Variants in RAB5A observed in about 807,000 individuals in gnomAD.
The protein encoded by RAB5A is RAB5A, member RAS oncogene family, also known as ras-related protein Rab-5A.
A neutral mutation model predicts 25.7 loss-of-function variants in RAB5A; 8 were observed. The ratio of observed to expected loss-of-function variants is 0.31; its 90% CI spans 0.18 to 0.56. The LOEUF (loss-of-function observed/expected upper bound fraction) is 0.56, where lower values mean the gene tolerates loss of function less well. RAB5A is among the 20% of genes least tolerant of loss of function. The pLI, the probability that RAB5A is intolerant of heterozygous loss-of-function variation, is 0.91. For missense variants in RAB5A, 192 were observed against 259.7 expected (o/e 0.74, Z 1.79); for synonymous variants, 98 against 89.8 (o/e 1.09, Z -0.52).
chr3:19,947,282 C>T lies in RAB5A; in HGVS notation c.-333C>T. On this transcript the variant is annotated 5_prime_UTR_variant, in exon 1 of 6. Transcript: ENST00000273047. ...ACTCCAGCGCCGGCGGCGGCGGCGG[C>T]GGCGGAGGAGGAGAAAGGAAAGAGG... The T allele has an allele frequency of 1.5e-5, 3 of 199,570 alleles. No homozygotes were observed. The highest frequency in any genetic ancestry group is 2.9e-5 in the Non-Finnish European group (3 of 102,348). The allele number at this position is 199,570 out of a possible 1,614,324, so 12.4% of individuals were successfully genotyped here.
In RAB5A at chr3:19,984,578, G is replaced by T. The variant is rs1236274468; in HGVS notation, c.*755G>T. 3 of 173,134 alleles carry T rather than the reference G, an allele frequency of 1.7e-5. No individual in the cohort carries two copies. Among genetic ancestry groups the T allele is most frequent in the African/African-American group, 2.4e-5 (1 of 41,502 alleles). 10.7% of individuals were successfully genotyped at this position (173,134 alleles called of 1,614,324 possible). Reference sequence around the variant, plus strand: ...TGTCTGTGATTTCTAATTAATCACCGCTGGCCATTACACAGGTTTTGTTGT... The same window carrying T: ...TGTCTGTGATTTCTAATTAATCACCTCTGGCCATTACACAGGTTTTGTTGT... On this transcript the variant is annotated 3_prime_UTR_variant, in exon 6 of 6. Transcript: ENST00000273047.
intron 2 of RAB5A, among the ~76,000 whole-genome samples, chr3:19,954,731 T>C (rs546430937): frequency 8.8e-4 from 134 of 152,128 alleles, no homozygotes; most frequent in Non-Finnish European, 9.6e-4. Context: ...AATGGGAGAA[T>C]TGCTTGAACT....
intron 5 of RAB5A, among the ~76,000 whole-genome samples, chr3:19,982,971 G>A (rs1490515614): frequency 6.6e-6 from 1 of 152,126 alleles, no homozygotes; most frequent in Admixed American, 6.6e-5. Flanking sequence ...AGAGAACGCT[G>A]ATATGAGCTG....
intron 4 of RAB5A, 75 bp from the exon 5 acceptor site, chr3:19,978,235 T>C: frequency 1.1e-6 from 1 of 950,806 alleles, no homozygotes; most frequent in East Asian, 2.4e-5. Flanking sequence ...TCCTTTTCTA[T>C]AACAAGTTTA....
At chr3:19,953,807 G>T (rs1696459987) in intron 2 of RAB5A, among the ~76,000 whole-genome samples, 1 of 152,122 alleles carries the variant, frequency 6.6e-6, no homozygotes, top group South Asian at 2.1e-4. Flanking sequence ...TATAGCTGTG[G>T]ACACTATTCT....
intron 2 of RAB5A, among the ~76,000 whole-genome samples, chr3:19,958,515 C>T (rs1696538127): frequency 6.6e-6 from 1 of 152,146 alleles, no homozygotes; most frequent in South Asian, 2.1e-4. Flanking sequence ...ACTCTGTTTA[C>T]ACATTTGTAA....
At chr3:19,962,204 A>T (rs1696595958) in intron 2 of RAB5A, among the ~76,000 whole-genome samples, 1 of 152,172 alleles carries the variant, frequency 6.6e-6, no homozygotes, top group Non-Finnish European at 1.5e-5. Flanking sequence ...GTACAGATTC[A>T]AGGGAAGAGT....
intron 2 of RAB5A, 94 bp downstream of exon 2, chr3:19,951,155 A>G (rs1696417164): frequency 1.5e-5 from 22 of 1,429,742 alleles, no homozygotes; most frequent in Non-Finnish European, 2.0e-5. Flanking sequence ...GAATAGCTAA[A>G]TAAGTCATAG....
intron 2 of RAB5A, among the ~76,000 whole-genome samples, chr3:19,951,861 G>A (rs1356907249): frequency 2.0e-5 from 3 of 151,916 alleles, no homozygotes; most frequent in Admixed American, 2.0e-4. Flanking sequence ...TAAGCTGAGG[G>A]AAGAGAAAAA....
In RAB5A at chr3:19,950,785, T is replaced by C. The variant is rs543002874; in HGVS notation, c.-93-21T>C. On this transcript the variant is annotated intron_variant, in intron 1 of 5. Transcript: ENST00000273047. ...TTGCTTTACTGATTTGTATATTTAA[T>C]TCATAATTGTTTCTTTACAGGTTTC... 45 of 1,031,592 alleles carry C rather than the reference T, an allele frequency of 4.4e-5. No individual in the cohort carries two copies. In the Admixed American group the frequency reaches 6.5e-4, roughly 15 times the overall value. The allele number at this position is 1,031,592 out of a possible 1,614,324, so 63.9% of individuals were successfully genotyped here.
At chr3:19,974,098 G>T (rs769796159) in intron 2 of RAB5A, among the ~76,000 whole-genome samples, 1 of 152,200 alleles carries the variant, frequency 6.6e-6, no homozygotes, top group East Asian at 1.9e-4. Context: ...AGCAGCAGAG[G>T]GCGGTCTAAT....
chr3:19,960,774 T>C (rs1166752625), intron 2 of RAB5A, among the ~76,000 whole-genome samples: 1 of 152,236 alleles, frequency 6.6e-6, no homozygotes, highest in Admixed American at 6.5e-5. Context: ...CTAAACAGCA[T>C]TCATCCTCCG....
At chr3:19,950,734 A>G in intron 1 of RAB5A, 72 bp from the exon 2 acceptor site, 1 of 601,976 alleles carries the variant, frequency 1.7e-6, no homozygotes. Flanking sequence ...TGCTATAGGC[A>G]ATATTTAAAG....
At chr3:19,964,806 T>G (rs377259258) in intron 2 of RAB5A, among the ~76,000 whole-genome samples, 1 of 152,142 alleles carries the variant, frequency 6.6e-6, no homozygotes, top group South Asian at 2.1e-4. Flanking sequence ...GAGACAAGGT[T>G]TCACCATGTT....
chr3:19,959,287 A>G (rs559411377), intron 2 of RAB5A, among the ~76,000 whole-genome samples: 1 of 152,332 alleles, frequency 6.6e-6, no homozygotes, highest in East Asian at 1.9e-4. Flanking sequence ...TTCTAAAACT[A>G]GAAATCAGGG....
At position 19,984,089 on chromosome 3, in the gene RAB5A, A is replaced by G; in HGVS notation, c.*266A>G. 7.2e-6 allele frequency: 3 copies of G among 414,266 alleles called. No homozygotes were observed. Among genetic ancestry groups the G allele is most frequent in the Non-Finnish European group, 1.3e-5 (3 of 223,388 alleles). The allele number at this position is 414,266 out of a possible 1,614,324, so 25.7% of individuals were successfully genotyped here. On this transcript the variant is annotated 3_prime_UTR_variant, in exon 6 of 6. Coordinates refer to ENST00000273047, the MANE Select transcript of RAB5A (RefSeq NM_004162.5). Reference sequence around the variant, plus strand: ...GGAAGGTTAGGGGGAATAATTTCTCATCACTAGGAATATAGACAAATGACT... The same window carrying G: ...GGAAGGTTAGGGGGAATAATTTCTCGTCACTAGGAATATAGACAAATGACT...
At chr3:19,951,946 C>T (rs2125178208) in intron 2 of RAB5A, among the ~76,000 whole-genome samples, 1 of 151,920 alleles carries the variant, frequency 6.6e-6, no homozygotes, top group Non-Finnish European at 1.5e-5. Flanking sequence ...AAAGAGTAGG[C>T]ACTGACAAGG....
intron 5 of RAB5A, among the ~76,000 whole-genome samples, chr3:19,982,792 T>C (rs1696955559): frequency 6.6e-6 from 1 of 150,678 alleles, no homozygotes; most frequent in Non-Finnish European, 1.5e-5. Flanking sequence ...AGCATGTATA[T>C]AGATGTTTTA....
At chr3:19,959,942 G>A (rs75168158) in intron 2 of RAB5A, among the ~76,000 whole-genome samples, 2 of 152,010 alleles carry the variant, frequency 1.3e-5, no homozygotes, top group East Asian at 3.9e-4. Context: ...GAATATATAA[G>A]GTTTCCAGAT....
Sources: allele counts gnomAD v4.1 joint callset (sites outside exome capture counted in the v4.1 genomes callset), GRCh38; gene constraint gnomAD v4.1.1; transcripts MANE v1.5; gene names NCBI Gene and HGNC (gene_info 2026-07-23, HGNC 2026-07-21).